Variants in TTC34 observed in about 807,000 individuals in gnomAD.
TTC34 encodes tetratricopeptide repeat domain 34.
Under a neutral mutation model 40.7 loss-of-function variants are expected in TTC34, and 44 were observed. The observed-to-expected ratio is 1.08, with a 90% CI of 0.85 to 1.39. TTC34 has a LOEUF of 1.39. Ranked by LOEUF, TTC34 falls within the 40% of genes most tolerant of loss-of-function variation. The pLI is 0.00. For synonymous variants in TTC34, 422 were observed against 398.6 expected (o/e 1.06, Z -0.70); for missense variants, 884 against 838.0 (o/e 1.05, Z -0.68).
chr1:2,683,349 C>T (rs1209725982), intron 6 of TTC34, among the ~76,000 whole-genome samples: 1 of 139,492 alleles, frequency 7.2e-6, no homozygotes, highest in African/African-American at 2.7e-5. Context: ...CACCACCCTG[C>T]ACCCCCAGGT....
rs1557584283 is a variant in TTC34 at position 2,652,070 on chromosome 1, AGGAGCACCC to A, written c.2227-6516_2227-6508del. ...CACAGGTGAGCATCTGACAGCCTGG[AGGAGCACCC>A]ACACCCCCAGGTGAGCATCTGACAG... On this transcript the variant is annotated intron_variant, in intron 6 of 8. Coordinates refer to ENST00000401095, the Ensembl canonical transcript of TTC34. Among the ~76,000 whole-genome samples the A allele has an allele frequency of 3.1e-4, 15 of 47,662 alleles. 1 individual carries two copies. Among genetic ancestry groups the A allele is most frequent in the South Asian group, 6.7e-4 (1 of 1,502 alleles). 31.3% of individuals were successfully genotyped at this position (47,662 alleles called of 152,430 possible).
At chr1:2,657,489 C>A (rs1425435596) in intron 6 of TTC34, among the ~76,000 whole-genome samples, 2 of 95,660 alleles carry the variant, frequency 2.1e-5, no homozygotes, top group Admixed American at 1.0e-4. Context: ...CCGAACGGAG[C>A]AGCACCCACA....
chr1:2,691,056 C>A lies in TTC34; in HGVS notation c.2227-45493G>T, dbSNP rs535025098. Reference sequence around the variant, plus strand: ...GCATCTGACAGCCTCGGTCAGCACCCACAAACCCAGGTGAGCATCTGATGC... The same window carrying A: ...GCATCTGACAGCCTCGGTCAGCACCAACAAACCCAGGTGAGCATCTGATGC... On this transcript the variant is annotated intron_variant, in intron 6 of 8. Transcript: ENST00000401095. Among the ~76,000 whole-genome samples the A allele has an allele frequency of 2.0e-4, 17 of 85,180 alleles. 4 individuals carry two copies. The South Asian group carries it at 5.1e-3, about 25-fold the overall frequency. 55.9% of individuals were successfully genotyped at this position (85,180 alleles called of 152,430 possible).
At chr1:2,801,177 G>T (rs1009566620) in intron 1 of TTC34, among the ~76,000 whole-genome samples, 21 of 152,126 alleles carry the variant, frequency 1.4e-4, no homozygotes, top group Non-Finnish European at 4.4e-5. Flanking sequence ...TGTCGGGAGG[G>T]TTACGGTGGC....
At chr1:2,775,327 A>G (rs537607828) in intron 6 of TTC34, 1 of 150,824 alleles carries the variant, frequency 6.6e-6, no homozygotes, top group Admixed American at 6.6e-5. Flanking sequence ...TGAGGATCTG[A>G]CTACCTGGAA....
At chr1:2,651,606 T>A (rs1293398528) in intron 6 of TTC34, among the ~76,000 whole-genome samples, 2 of 150,574 alleles carry the variant, frequency 1.3e-5, no homozygotes, top group Non-Finnish European at 3.0e-5. Flanking sequence ...CACCCCCTGG[T>A]GAGTATCTGA....
chr1:2,678,008 C>T lies in TTC34; in HGVS notation c.2227-32445G>A, dbSNP rs1156435579. On this transcript the variant is annotated intron_variant, in intron 6 of 8. Coordinates refer to ENST00000401095, the Ensembl canonical transcript of TTC34. The stretch of plus-strand genomic sequence containing the variant: ...GCATCCGATGACCTGGAGCAGCACC[C>T]ACAACCCCAAGTGAGCATCTGATTG... Among the ~76,000 whole-genome samples, 2 of 27,498 alleles carry T rather than the reference C, an allele frequency of 7.3e-5. 1 individual carries two copies. Among genetic ancestry groups the T allele is most frequent in the Non-Finnish European group, 1.3e-4 (2 of 15,998 alleles). The allele number at this position is 27,498 out of a possible 152,430, so 18.0% of individuals were successfully genotyped here.
chr1:2,750,564 C>A (rs1252236224), intron 6 of TTC34, among the ~76,000 whole-genome samples: 1 of 119,822 alleles, frequency 8.3e-6, no homozygotes, highest in Non-Finnish European at 1.7e-5. Flanking sequence ...AGCACCCACA[C>A]CCCCAGGTGA....
rs1360742788 is a variant in TTC34, at chr1:2,645,522, G to A, written c.2268C>T (p.Pro756=). The stretch of plus-strand genomic sequence containing the variant: ...AGCGGAGCTCAGGGACCACAGTCCC[G>A]GGGCCGAGCTTCAGAGCAGAGACGA... Residue 756 remains proline (P), a synonymous_variant, in exon 7 of 9, where the codon CCC becomes CCT. Transcript: ENST00000401095. This position sits in a 1 kb window ranked among gnomAD's most constrained non-coding sequence, Gnocchi z 4.7. 10 of 1,494,616 alleles carry A rather than the reference G, an allele frequency of 6.7e-6. No individual in the cohort carries two copies. Among genetic ancestry groups the A allele is most frequent in the Admixed American group, 2.2e-5 (1 of 46,202 alleles). The allele number at this position is 1,494,616 out of a possible 1,614,324, so 92.6% of individuals were successfully genotyped here.
chr1:2,676,927 C>G (rs1347847343), intron 6 of TTC34, among the ~76,000 whole-genome samples: 2 of 138,082 alleles, frequency 1.4e-5, no homozygotes, highest in South Asian at 2.4e-4. Flanking sequence ...AGCACCCACA[C>G]CCCCAGGTGA....
intron 6 of TTC34, among the ~76,000 whole-genome samples, chr1:2,751,961 C>G (rs1267666202): frequency 4.9e-5 from 5 of 102,428 alleles, no homozygotes. Context: ...TCTGGAGCAG[C>G]GCCCACACCC....
At position 2,655,718 on chromosome 1, in the gene TTC34, T is replaced by C. The variant is rs1161527997; in HGVS notation, c.2227-10155A>G. On this transcript the variant is annotated intron_variant, in intron 6 of 8. Transcript: ENST00000401095. ...ACCCCCAGGTGAGCATCCAAAAGCC[T>C]GGAGCAGCACCCACACCCCCACGCG... Among the ~76,000 whole-genome samples, 926 of 146,400 alleles carry C rather than the reference T, an allele frequency of 6.3e-3. 3 individuals carry two copies. Among genetic ancestry groups the C allele is most frequent in the Admixed American group, 9.5e-3 (138 of 14,588 alleles).
chr1:2,691,091 G>A, intron 6 of TTC34, among the ~76,000 whole-genome samples: 1 of 78,944 alleles, frequency 1.3e-5, no homozygotes, highest in Admixed American at 1.2e-4. Flanking sequence ...CTTTGGAGCA[G>A]CACCCACACC....
intron 6 of TTC34, among the ~76,000 whole-genome samples, chr1:2,773,369 CACCCACACCCCCA>C (rs1642637046): frequency 1.0e-5 from 1 of 97,148 alleles, no homozygotes; most frequent in African/African-American, 3.5e-5. Context: ...CCTGGAGCAG[CACCCACACCCCCA>C]GGTGAGCATC....
intron 8 of TTC34, among the ~76,000 whole-genome samples, chr1:2,642,996 T>G (rs1282173404): frequency 6.6e-6 from 1 of 152,162 alleles, no homozygotes; most frequent in African/African-American, 2.4e-5. Context: ...CGGAGGCACC[T>G]GACCCCGACC....
chr1:2,775,731 G>T (rs1643088192), intron 6 of TTC34: 1 of 146,640 alleles, frequency 6.8e-6, no homozygotes, highest in Admixed American at 6.6e-5. Context: ...GTGTCTGACA[G>T]CCTAGAGCGG....
At chr1:2,691,129 C>A (rs964286832) in intron 6 of TTC34, among the ~76,000 whole-genome samples, 1 of 70,452 alleles carries the variant, frequency 1.4e-5, no homozygotes, top group Admixed American at 1.4e-4. Flanking sequence ...CAGCCTGGAA[C>A]AGAACCCACA....
intron 5 of TTC34, among the ~76,000 whole-genome samples, chr1:2,785,335 C>G (rs1262943751): frequency 8.5e-6 from 1 of 117,318 alleles, no homozygotes; most frequent in Non-Finnish European, 1.8e-5. Flanking sequence ...GGAAACATCG[C>G]CTTCCCTCCA....
Position 2,645,189 on chromosome 1 carries a change from G to T in TTC34, c.2497+104C>A, listed in dbSNP as rs866787134. Reference sequence around the variant, plus strand: ...GGAAGGGACCTTGGAAGCTGTTGTGGTCCGGGTCTCTTTCTTCCATTTTTA... The same window carrying T: ...GGAAGGGACCTTGGAAGCTGTTGTGTTCCGGGTCTCTTTCTTCCATTTTTA... On this transcript the variant is annotated intron_variant, in intron 7 of 8. Transcript: ENST00000401095. This position sits in a 1 kb window ranked among gnomAD's most constrained non-coding sequence, Gnocchi z 4.7. 1.4e-5 allele frequency: 19 copies of T among 1,313,806 alleles called. No homozygotes were observed. Among genetic ancestry groups the T allele is most frequent in the Middle Eastern group, 5.3e-4 (2 of 3,780 alleles). 81.4% of individuals were successfully genotyped at this position (1,313,806 alleles called of 1,614,324 possible).
Sources: gnomAD v4.1 joint callset for allele counts (sites outside exome capture counted in the v4.1 genomes callset) on GRCh38, gnomAD v4.1.1 for gene constraint, Gnocchi (gnomAD v3.1) non-coding constraint, MANE v1.5 for transcripts, NCBI Gene and HGNC (gene_info 2026-07-23, HGNC 2026-07-21) for gene names.